The following PUS7 variants were observed in gnomAD, a reference collection of about 807,000 sequenced individuals.
The protein encoded by PUS7 is pseudouridine synthase 7, also known as pseudouridylate synthase 7 homolog.
In PUS7, 48 loss-of-function variants were observed where a neutral mutation model predicts 79.8. The ratio of observed to expected loss-of-function variants is 0.60; its 90% CI spans 0.48 to 0.76. The LOEUF is 0.76. PUS7 is among the 30% of genes least tolerant of loss of function. PUS7 has a pLI of 0.00. For missense variants in PUS7, 729 were observed against 797.6 expected (o/e 0.91, Z 1.04); for synonymous variants, 286 against 272.2 (o/e 1.05, Z -0.50).
At chr7:105,476,722 C>G (rs1182487109) in intron 9 of PUS7, among the ~76,000 whole-genome samples, 1 of 152,212 alleles carries the variant, frequency 6.6e-6, no homozygotes, top group African/African-American at 2.4e-5. Context: ...TACATCCCCA[C>G]CAGCAAAGCC....
intron 7 of PUS7, among the ~76,000 whole-genome samples, chr7:105,485,189 A>C (rs1357153209): frequency 6.7e-6 from 1 of 150,348 alleles, no homozygotes; most frequent in Non-Finnish European, 1.5e-5. Context: ...AAATGTAAGT[A>C]GAGTACTGTT....
intron 9 of PUS7, among the ~76,000 whole-genome samples, chr7:105,476,977 G>A (rs550957707): frequency 1.3e-5 from 2 of 152,212 alleles, no homozygotes; most frequent in East Asian, 3.9e-4. Context: ...CTAGATTTAA[G>A]TCTCTTATCA....
rs758220629 is a variant in PUS7 at position 105,482,431 on chromosome 7, T to C, written c.930A>G (p.Ala310=). 8.8e-6 allele frequency: 14 copies of C among 1,591,304 alleles called. No individual in the cohort carries two copies. Among genetic ancestry groups the C allele is most frequent in the Non-Finnish European group, 1.1e-5 (13 of 1,173,742 alleles). Residue 310 remains alanine, a synonymous_variant, in exon 8 of 16, where the codon GCA becomes GCG. Coordinates refer to ENST00000469408, the MANE Select transcript of PUS7 (RefSeq NM_019042.5). ...ACTTATTCAGGTGGGCAAGTCTTTG[T>C]GCAGTTATTCTTTAAAAAAAAAAAA... ...VQEIAVLKIT[A]QRLAHLNKCL...
intron 6 of PUS7, among the ~76,000 whole-genome samples, chr7:105,492,508 T>A (rs1824832473): frequency 7.3e-6 from 1 of 137,680 alleles, no homozygotes; most frequent in African/African-American, 2.7e-5. Context: ...GTATTTTTTT[T>A]TTTTTTTTTT....
At chr7:105,487,860 G>A (rs1260678015) in intron 7 of PUS7, among the ~76,000 whole-genome samples, 1 of 152,158 alleles carries the variant, frequency 6.6e-6, no homozygotes, top group East Asian at 1.9e-4. Context: ...ATTACTAGGT[G>A]GCTTTAGAGT....
At chr7:105,476,136 A>AT (rs1209353579) in intron 9 of PUS7, among the ~76,000 whole-genome samples, 1 of 151,692 alleles carries the variant, frequency 6.6e-6, no homozygotes, top group African/African-American at 2.4e-5. Context: ...AAAAAAAAAA[A>AT]AAAAAAAAAA....
chr7:105,508,294 A>C lies in PUS7; in HGVS notation c.219T>G (p.Asn73Lys), dbSNP rs201953637. The C allele has an allele frequency of 1.4e-5, 23 of 1,614,122 alleles. No homozygotes were observed. In the African/African-American group the frequency reaches 2.5e-4, roughly 18 times the overall value. ...CCTCATCTTCCAACTGAGCCTCAGA[A>C]TTCTTTCCACCTTTCCCAGTACTGA... ...DTVSTGKGGK[N>K]SEAQLEDEEE... The change falls in exon 2 of 16, where the codon AAT becomes AAG. Residue 73 changes from asparagine to lysine, a missense_variant. By Grantham distance (94) the Asn-to-Lys change is moderately conservative. Transcript: ENST00000469408.
At chr7:105,493,236 A>T (rs1824869333) in intron 6 of PUS7, among the ~76,000 whole-genome samples, 1 of 152,228 alleles carries the variant, frequency 6.6e-6, no homozygotes, top group Admixed American at 6.5e-5. Context: ...TAAAACTGGG[A>T]TCTGAATAGT....
At chr7:105,477,091 T>C (rs1293647965) in intron 9 of PUS7, among the ~76,000 whole-genome samples, 2 of 152,304 alleles carry the variant, frequency 1.3e-5, no homozygotes, top group East Asian at 3.9e-4. Flanking sequence ...GTCCAACTTA[T>C]CTATTTTTTC....
At chr7:105,494,043 C>A (rs546406605) in intron 6 of PUS7, among the ~76,000 whole-genome samples, 2 of 152,192 alleles carry the variant, frequency 1.3e-5, no homozygotes, top group Admixed American at 1.3e-4. Flanking sequence ...CCTTGCCGAT[C>A]CCCAGAGATC....
Position 105,462,441 on chromosome 7 carries a change from C to CAAAA in PUS7, c.1757+176_1757+179dup. On this transcript the variant is annotated intron_variant, in intron 14 of 15. Coordinates refer to ENST00000469408, the MANE Select transcript of PUS7 (RefSeq NM_019042.5). ...GTGAAACTCCGTCTCAAAAAAAAAC[C>CAAAA]AAAAAAAAAACAAAAGGTAAGTAAA... 3 of 575,574 alleles carry CAAAA rather than the reference C, an allele frequency of 5.2e-6. No individual in the cohort carries two copies. The East Asian group carries it at 1.1e-4, about 22-fold the overall frequency. 35.7% of individuals were successfully genotyped at this position (575,574 alleles called of 1,614,324 possible).
chr7:105,493,837 T>C lies in PUS7; in HGVS notation c.842+1305A>G, dbSNP rs73190123. Among the ~76,000 whole-genome samples the C allele has an allele frequency of 8.9e-3, 1,360 of 152,348 alleles. 7 individuals carry two copies. Among genetic ancestry groups the C allele is most frequent in the Middle Eastern group, 0.02 (6 of 294 alleles). On this transcript the variant is annotated intron_variant, in intron 6 of 15. Coordinates refer to ENST00000469408, the MANE Select transcript of PUS7 (RefSeq NM_019042.5). ...GCCGACACCTTGAGCTTGGGACTGT[T>C]AGCCTCTAGAAGCATATGAAAAGTA...
chr7:105,496,196 CAT>C (rs1159713098), intron 5 of PUS7, among the ~76,000 whole-genome samples: 5,420 of 81,038 alleles, frequency 0.067, 141 homozygotes, highest in South Asian at 0.097. Flanking sequence ...CACACACACA[CAT>C]ATATATATAT....
intron 7 of PUS7, among the ~76,000 whole-genome samples, chr7:105,487,882 G>A (rs1824617999): frequency 6.6e-6 from 1 of 152,222 alleles, no homozygotes; most frequent in Non-Finnish European, 1.5e-5. Flanking sequence ...TCATGAAGCT[G>A]AAAAGACGTG....
At chr7:105,501,468 T>C (rs1175722199) in intron 5 of PUS7, among the ~76,000 whole-genome samples, 1 of 152,130 alleles carries the variant, frequency 6.6e-6, no homozygotes, top group African/African-American at 2.4e-5. Flanking sequence ...AGATAACACA[T>C]TAGAACATAA....
chr7:105,518,104 C>T (rs901822128), intron 1 of PUS7, among the ~76,000 whole-genome samples: 6 of 151,878 alleles, frequency 4.0e-5, no homozygotes, highest in African/African-American at 7.3e-5. Context: ...GCCGAGATTG[C>T]GCCACTGCAC....
rs1208918719 is a variant in PUS7 at position 105,456,514 on chromosome 7, T to G, written c.*1276A>C. 1 of 152,234 alleles carries G rather than the reference T, an allele frequency of 6.6e-6. No individual in the cohort carries two copies. The highest frequency in any genetic ancestry group is 2.4e-5 in the African/African-American group (1 of 41,456). 9.4% of individuals were successfully genotyped at this position (152,234 alleles called of 1,614,324 possible). On this transcript the variant is annotated 3_prime_UTR_variant, in exon 16 of 16. Coordinates refer to ENST00000469408, the MANE Select transcript of PUS7 (RefSeq NM_019042.5). Reference sequence around the variant, plus strand: ...TCAAGATTCTTATCTGCACTCATTTTGATATATTTATTTGATTTATTTACA... The same window carrying G: ...TCAAGATTCTTATCTGCACTCATTTGGATATATTTATTTGATTTATTTACA...
intron 4 of PUS7, among the ~76,000 whole-genome samples, chr7:105,505,542 T>C (rs542460582): frequency 9.8e-4 from 150 of 152,316 alleles, no homozygotes; most frequent in South Asian, 3.3e-3. Flanking sequence ...TGTGGTATAA[T>C]TGGTACTCTG....
At chr7:105,484,463 ACAAC>A (rs1451295612) in intron 7 of PUS7, among the ~76,000 whole-genome samples, 1 of 151,530 alleles carries the variant, frequency 6.6e-6, no homozygotes, top group Non-Finnish European at 1.5e-5. Context: ...ATTAAAACAA[ACAAC>A]TATATGGAGA....
Sources: allele counts gnomAD v4.1 joint callset (sites outside exome capture counted in the v4.1 genomes callset), GRCh38; gene constraint gnomAD v4.1.1; transcripts MANE v1.5; gene names NCBI Gene and HGNC (gene_info 2026-07-23, HGNC 2026-07-21).